DLG2: variants seen among roughly 807,000 people sequenced by gnomAD.
DLG2 encodes the protein discs large MAGUK scaffold protein 2.
Under a neutral mutation model 132.5 loss-of-function variants are expected in DLG2, and 45 were observed. The observed-to-expected ratio is 0.34, with a 90% CI of 0.27 to 0.44. DLG2 has a LOEUF of 0.44. Ranked by LOEUF, DLG2 falls within the 20% of genes least tolerant of loss-of-function variation. The pLI, the probability that DLG2 is intolerant of heterozygous loss-of-function variation, is 1.00. For missense variants in DLG2, 1,045 were observed against 1,196.9 expected, an observed-to-expected ratio of 0.87 and a Z score of 1.87; for synonymous variants, 424 against 419.6, an observed-to-expected ratio of 1.01 and a Z score of -0.13.
chr11:85,529,996 T>TG (rs1555174002), intron 3 of DLG2, among the ~76,000 whole-genome samples: 1 of 149,912 alleles, frequency 6.7e-6, no homozygotes, highest in Non-Finnish European at 1.5e-5. Context: ...TGTTTTTTTT[T>TG]TTTTTTTTTT....
chr11:85,599,348 TTCTCTCTC>T (rs373131909), intron 2 of DLG2, among the ~76,000 whole-genome samples: 3 of 147,614 alleles, frequency 2.0e-5, no homozygotes, highest in Middle Eastern at 3.4e-3. Flanking sequence ...ACCTCTCTCT[TTCTCTCTC>T]TCTCTCTCTC....
At chr11:85,586,583 T>G (rs1358918771) in intron 3 of DLG2, among the ~76,000 whole-genome samples, 1 of 152,228 alleles carries the variant, frequency 6.6e-6, no homozygotes, top group Non-Finnish European at 1.5e-5. Flanking sequence ...TGAGCTCATT[T>G]GGATCTTCTC....
At chr11:84,833,643 A>G (rs2079326952) in intron 6 of DLG2, among the ~76,000 whole-genome samples, 1 of 150,918 alleles carries the variant, frequency 6.6e-6, no homozygotes, top group Admixed American at 6.6e-5. Flanking sequence ...AAGAGCAGGG[A>G]GTGGTGGCAG....
chr11:83,712,156 T>C lies in DLG2; in HGVS notation c.1825+74534A>G, dbSNP rs149640521. ...CCATTTGGCCCAGCAATCCTATTAT[T>C]GGGTATACACCTAAAGGAATATAAG... On this transcript the variant is annotated intron_variant, in intron 18 of 27. Coordinates refer to ENST00000376104, the MANE Select transcript of DLG2 (RefSeq NM_001142699.3). Among the ~76,000 whole-genome samples the C allele has an allele frequency of 2.8e-4, 43 of 152,234 alleles. No individual in the cohort carries two copies. The East Asian group carries it at 4.2e-3, about 15-fold the overall frequency.
In DLG2 at chr11:84,063,723, T is replaced by A. The variant is rs113599239; in HGVS notation, c.750-4239A>T. Among the ~76,000 whole-genome samples the A allele has an allele frequency of 4.1e-3, 621 of 152,180 alleles. 4 individuals are homozygous for A. The highest frequency in any genetic ancestry group is 0.014 in the African/African-American group (571 of 41,512). ...GACTTGGAACCAACCCAAATGTCCA[T>A]CAATGATAGACTGGATTAAGAAAAT... On this transcript the variant is annotated intron_variant, in intron 10 of 27. Transcript: ENST00000376104.
intron 3 of DLG2, among the ~76,000 whole-genome samples, chr11:85,559,498 C>A (rs1020855146): frequency 6.6e-6 from 1 of 151,194 alleles, no homozygotes; most frequent in Non-Finnish European, 1.5e-5. Flanking sequence ...GAAAGCAAAC[C>A]GAAAACAGTA....
intron 4 of DLG2, among the ~76,000 whole-genome samples, chr11:85,218,331 T>C (rs1363620679): frequency 6.6e-6 from 1 of 152,074 alleles, no homozygotes; most frequent in Admixed American, 6.6e-5. Context: ...CAAGAACAAA[T>C]ATCTAGAATC....
chr11:84,857,380 C>G (rs1377117195), intron 6 of DLG2, among the ~76,000 whole-genome samples: 1 of 149,956 alleles, frequency 6.7e-6, no homozygotes, highest in African/African-American at 2.5e-5. Context: ...ATAGCTAGCA[C>G]AGTGAGTCCT....
chr11:85,473,993 T>C (rs952827832), intron 3 of DLG2, among the ~76,000 whole-genome samples: 21 of 152,068 alleles, frequency 1.4e-4, no homozygotes, highest in African/African-American at 5.1e-4. Flanking sequence ...TCAATAAATA[T>C]AAACAGAATA....
chr11:84,871,901 CTG>C (rs1019724010), intron 6 of DLG2, among the ~76,000 whole-genome samples: 1 of 152,100 alleles, frequency 6.6e-6, no homozygotes, highest in Non-Finnish European at 1.5e-5. Context: ...TCTCAAACTC[CTG>C]ACCTCAGGTG....
intron 7 of DLG2, among the ~76,000 whole-genome samples, chr11:84,528,247 A>C (rs2099327427): frequency 6.6e-6 from 1 of 152,144 alleles, no homozygotes; most frequent in South Asian, 2.1e-4. Flanking sequence ...TCTGAAGAGA[A>C]TGCATCCCCA....
Position 85,169,805 on chromosome 11 carries a change from G to A in DLG2, c.187-15154C>T, listed in dbSNP as rs571783081. Among the ~76,000 whole-genome samples the A allele has an allele frequency of 7.2e-5, 11 of 152,230 alleles. 1 individual carries two copies. The South Asian group carries it at 8.3e-4, about 11-fold the overall frequency. On this transcript the variant is annotated intron_variant, in intron 4 of 27. Coordinates refer to ENST00000376104, the MANE Select transcript of DLG2 (RefSeq NM_001142699.3). ...CAGATAAAGAACCTTCAGAGAGTTCGACCCTGTGCTTGGGAAGAGACACAG... is the reference window on the plus strand; with the variant it reads ...CAGATAAAGAACCTTCAGAGAGTTCAACCCTGTGCTTGGGAAGAGACACAG...
At position 83,735,354 on chromosome 11, in the gene DLG2, C is replaced by T. The variant is rs183196147; in HGVS notation, c.1825+51336G>A. 7.0e-4 allele frequency among the ~76,000 whole-genome samples: 106 copies of T among 152,328 alleles called. No individual in the cohort carries two copies. The East Asian group carries it at 0.016, about 23-fold the overall frequency. ...ATTATACCAGGAAGACTAGGTCACA[C>T]AGCTTCTACTGCACAGGCAGAGAGG... On this transcript the variant is annotated intron_variant, in intron 18 of 27. Transcript: ENST00000376104.
intron 6 of DLG2, among the ~76,000 whole-genome samples, chr11:85,064,368 T>C (rs1292245035): frequency 6.6e-6 from 1 of 151,804 alleles, no homozygotes; most frequent in African/African-American, 2.4e-5. Context: ...TATAAAATCA[T>C]CATATTGCAC....
chr11:83,467,903 A>C (rs1455920984), intron 25 of DLG2, among the ~76,000 whole-genome samples: 8 of 148,372 alleles, frequency 5.4e-5, no homozygotes, highest in African/African-American at 2.0e-4. Context: ...AAAGGCTTGC[A>C]TGAGGTATGT....
Position 83,459,799 on chromosome 11 carries a change from C to G in DLG2, c.*19G>C. 7.4e-7 allele frequency: 1 copy of G among 1,354,086 alleles called. No individual in the cohort carries two copies. Among genetic ancestry groups the G allele is most frequent in the Non-Finnish European group, 1.1e-6 (1 of 943,370 alleles). 83.9% of individuals were successfully genotyped at this position (1,354,086 alleles called of 1,614,324 possible). Reference sequence around the variant, plus strand: ...CTTCTAAATGCTCTTCTGTCGTTGTCAGAGGCGCAGTAGCTAATTTATAAC... The same window carrying G: ...CTTCTAAATGCTCTTCTGTCGTTGTGAGAGGCGCAGTAGCTAATTTATAAC... On this transcript the variant is annotated 3_prime_UTR_variant, in exon 28 of 28. Transcript: ENST00000376104.
intron 21 of DLG2, among the ~76,000 whole-genome samples, chr11:83,528,212 T>C (rs148621137): frequency 2.0e-4 from 30 of 152,342 alleles, no homozygotes; most frequent in African/African-American, 6.7e-4. Context: ...ACATAGACTT[T>C]GTAAAGGCAC....
intron 4 of DLG2, among the ~76,000 whole-genome samples, chr11:85,211,590 T>C (rs1221453211): frequency 1.3e-5 from 2 of 152,072 alleles, no homozygotes; most frequent in Admixed American, 6.6e-5. Flanking sequence ...ATTACACTGA[T>C]TGGCTAGGTA....
chr11:84,015,499 T>A (rs2095128293), intron 11 of DLG2, among the ~76,000 whole-genome samples: 1 of 152,116 alleles, frequency 6.6e-6, no homozygotes, highest in Non-Finnish European at 1.5e-5. Flanking sequence ...AATCCCAGCA[T>A]CTATTAGCTA....
Sources: allele counts gnomAD v4.1 joint callset (sites outside exome capture counted in the v4.1 genomes callset), GRCh38; gene constraint gnomAD v4.1.1; transcripts MANE v1.5; gene names NCBI Gene and HGNC (gene_info 2026-07-23, HGNC 2026-07-21).